HS3ST1: variants seen among roughly 807,000 people sequenced by gnomAD.
HS3ST1 encodes the protein heparan sulfate glucosamine 3-O-sulfotransferase 1.
A neutral mutation model predicts 20.7 loss-of-function variants in HS3ST1; 8 were observed. The ratio of observed to expected loss-of-function variants is 0.39; its 90% CI spans 0.23 to 0.70. The LOEUF is 0.70. Among genes scored for constraint, HS3ST1 ranks in the 30% least tolerant of loss-of-function variants. HS3ST1 has a pLI of 0.46. For missense variants in HS3ST1, 436 were observed against 423.4 expected, an observed-to-expected ratio of 1.03 and a Z score of -0.26; for synonymous variants, 205 against 190.4, an observed-to-expected ratio of 1.08 and a Z score of -0.63.
At chr4:11,424,034 C>T (rs1429210700) in intron 1 of HS3ST1, among the ~76,000 whole-genome samples, 13 of 106,300 alleles carry the variant, frequency 1.2e-4, no homozygotes, top group Non-Finnish European at 2.1e-4. Context: ...GACAGTCTAT[C>T]TTGAAAAAAA....
In HS3ST1 at chr4:11,396,677, A is replaced by G. The variant is rs996256480; in HGVS notation, c.*2405T>C. Reference sequence around the variant, plus strand: ...GTTTCTTACACAGTGTACCTTCTCAATGACTGGCTGGGGTTGTACCAAAAA... The same window carrying G: ...GTTTCTTACACAGTGTACCTTCTCAGTGACTGGCTGGGGTTGTACCAAAAA... On this transcript the variant is annotated 3_prime_UTR_variant, in exon 2 of 2. Transcript: ENST00000002596. The G allele has an allele frequency of 2.0e-5, 3 of 152,264 alleles. No homozygotes were observed. The highest frequency in any genetic ancestry group is 2.4e-5 in the African/African-American group (1 of 41,448). 9.4% of individuals were successfully genotyped at this position (152,264 alleles called of 1,614,324 possible).
At position 11,398,221 on chromosome 4, in the gene HS3ST1, G is replaced by A. The variant is rs1009807800; in HGVS notation, c.*861C>T. 6.6e-6 allele frequency: 1 copy of A among 152,190 alleles called. No individual in the cohort carries two copies. The highest frequency in any genetic ancestry group is 2.4e-5 in the African/African-American group (1 of 41,432). The allele number at this position is 152,190 out of a possible 1,614,324, so 9.4% of individuals were successfully genotyped here. A position where few individuals can be genotyped will look rare whatever the true frequency, so the allele number is the denominator to read the frequency against. On this transcript the variant is annotated 3_prime_UTR_variant, in exon 2 of 2. Transcript: ENST00000002596. ...AAGCAGACTTTCAGACTAAGCAAAA[G>A]ACTACTACCCTTTTAGTCAGCCTTT... is the stretch of plus-strand genomic sequence containing the variant.
chr4:11,423,266 C>G (rs1718983660), intron 1 of HS3ST1, among the ~76,000 whole-genome samples: 1 of 152,094 alleles, frequency 6.6e-6, no homozygotes, highest in African/African-American at 2.4e-5. Flanking sequence ...AATAAACGTG[C>G]TCAATAGTCA....
At position 11,400,185 on chromosome 4, in the gene HS3ST1, A is replaced by G. The variant is rs1560231225; in HGVS notation, c.-108-72T>C. ...TAATTCAACTAACAACTCTGTAGCCACTCTGTAGTGAGGCCTATATTCACC... is the reference window on the plus strand; with the variant it reads ...TAATTCAACTAACAACTCTGTAGCCGCTCTGTAGTGAGGCCTATATTCACC... On this transcript the variant is annotated intron_variant, in intron 1 of 1. Coordinates refer to ENST00000002596, the MANE Select transcript of HS3ST1 (RefSeq NM_005114.4). 3 of 1,284,156 alleles carry G rather than the reference A, an allele frequency of 2.3e-6. No individual in the cohort carries two copies. The African/African-American group carries it at 4.5e-5, about 19-fold the overall frequency. The allele number at this position is 1,284,156 out of a possible 1,614,324, so 79.5% of individuals were successfully genotyped here.
At chr4:11,425,915 C>A (rs1440327492) in intron 1 of HS3ST1, among the ~76,000 whole-genome samples, 2 of 150,328 alleles carry the variant, frequency 1.3e-5, no homozygotes, top group Non-Finnish European at 2.9e-5. Flanking sequence ...TTGAAAGCAC[C>A]AGGTCAAGTA....
chr4:11,434,291 T>A (rs918484597), upstream of HS3ST1, among the ~76,000 whole-genome samples: 1 of 152,192 alleles, frequency 6.6e-6, no homozygotes, highest in Non-Finnish European at 1.5e-5. Context: ...TAGTTCTTTT[T>A]AACAAAAATT....
At position 11,393,439 on chromosome 4, in the gene HS3ST1, G is replaced by A. The variant is rs1481222746; in HGVS notation, c.*5643C>T. The A allele has an allele frequency of 6.6e-6, 1 of 152,134 alleles. No individual in the cohort carries two copies. Among genetic ancestry groups the A allele is most frequent in the Admixed American group, 6.5e-5 (1 of 15,272 alleles). 9.4% of individuals were successfully genotyped at this position (152,134 alleles called of 1,614,324 possible). ...TAATTGGAAGAATTCTAATAACTCC[G>A]TGGGTTGATCACGTTATACATGTAA... On this transcript the variant is annotated 3_prime_UTR_variant, in exon 2 of 2. Transcript: ENST00000002596.
chr4:11,430,601 G>T (rs1370850467), upstream of HS3ST1, among the ~76,000 whole-genome samples: 1 of 152,134 alleles, frequency 6.6e-6, no homozygotes, highest in Non-Finnish European at 1.5e-5. Context: ...AAGTGCTTTG[G>T]TGCCATAGTA....
chr4:11,407,335 A>C (rs979328298), intron 1 of HS3ST1, among the ~76,000 whole-genome samples: 30 of 152,298 alleles, frequency 2.0e-4, no homozygotes, highest in African/African-American at 6.3e-4. Context: ...GAGGAGGACT[A>C]TTCGAATATC....
chr4:11,431,691 G>T (rs1719209440), upstream of HS3ST1, among the ~76,000 whole-genome samples: 1 of 152,156 alleles, frequency 6.6e-6, no homozygotes, highest in Non-Finnish European at 1.5e-5. Context: ...GGCTCAAGGA[G>T]TGAAAAGGCA....
chr4:11,409,700 A>G (rs1339999760), intron 1 of HS3ST1, among the ~76,000 whole-genome samples: 1 of 152,272 alleles, frequency 6.6e-6, no homozygotes, highest in African/African-American at 2.4e-5. Flanking sequence ...GCCCTAGCTG[A>G]CTAGTACATG....
chr4:11,402,820 TTAGTG>T, intron 1 of HS3ST1, among the ~76,000 whole-genome samples: 1 of 152,350 alleles, frequency 6.6e-6, no homozygotes, highest in African/African-American at 2.4e-5. Flanking sequence ...GGCATCCTGG[TTAGTG>T]TAGTGTACAT....
At chr4:11,432,970 T>G (rs1396054119), upstream of HS3ST1, among the ~76,000 whole-genome samples, 1 of 152,212 alleles carries the variant, frequency 6.6e-6, no homozygotes, top group East Asian at 1.9e-4. Context: ...ACAGGATTTT[T>G]AAGATTATCT....
chr4:11,418,732 C>T (rs1229104898), intron 1 of HS3ST1, among the ~76,000 whole-genome samples: 1 of 152,100 alleles, frequency 6.6e-6, no homozygotes, highest in Non-Finnish European at 1.5e-5. Flanking sequence ...CAAACCAAAC[C>T]CCCACACAGT....
chr4:11,403,779 A>G (rs538105138), intron 1 of HS3ST1, among the ~76,000 whole-genome samples: 1 of 152,166 alleles, frequency 6.6e-6, no homozygotes, highest in South Asian at 2.1e-4. Context: ...AATGAATTGC[A>G]CAGGCCCTGG....
At chr4:11,406,459 G>A (rs1437870444) in intron 1 of HS3ST1, among the ~76,000 whole-genome samples, 1 of 152,120 alleles carries the variant, frequency 6.6e-6, no homozygotes, top group East Asian at 1.9e-4. Context: ...CCAAATACAC[G>A]GCACAGTGTC....
At chr4:11,424,399 A>G (rs1719013075) in intron 1 of HS3ST1, among the ~76,000 whole-genome samples, 1 of 152,206 alleles carries the variant, frequency 6.6e-6, no homozygotes, top group Non-Finnish European at 1.5e-5. Flanking sequence ...AACGATCTGA[A>G]AAAGCTACAG....
At chr4:11,416,648 C>G (rs545980015) in intron 1 of HS3ST1, among the ~76,000 whole-genome samples, 29 of 152,196 alleles carry the variant, frequency 1.9e-4, no homozygotes, top group Non-Finnish European at 3.8e-4. Context: ...AGGTACTCTC[C>G]GGAGTAGTGC....
intron 1 of HS3ST1, among the ~76,000 whole-genome samples, chr4:11,419,899 G>A (rs1364454500): frequency 6.6e-6 from 1 of 152,148 alleles, no homozygotes; most frequent in Non-Finnish European, 1.5e-5. Flanking sequence ...TTAATTTAAT[G>A]CACATGAAAT....
Sources: gnomAD v4.1 joint callset for allele counts (sites outside exome capture counted in the v4.1 genomes callset) on GRCh38, gnomAD v4.1.1 for gene constraint, MANE v1.5 for transcripts, NCBI Gene and HGNC (gene_info 2026-07-23, HGNC 2026-07-21) for gene names.